The following ELMO2 variants were observed in gnomAD, a reference collection of about 807,000 sequenced individuals.
The protein encoded by ELMO2 is engulfment and cell motility 2, also known as engulfment and cell motility protein 2.
In ELMO2, 37 loss-of-function variants were observed where a neutral mutation model predicts 96.2. The ratio of observed to expected loss-of-function variants is 0.38; its 90% CI spans 0.30 to 0.51. The LOEUF (loss-of-function observed/expected upper bound fraction) is 0.51, where lower values mean the gene tolerates loss of function less well. Ranked by LOEUF, ELMO2 falls within the 20% of genes least tolerant of loss-of-function variation. The pLI, the probability that ELMO2 is intolerant of heterozygous loss-of-function variation, is 0.88. For missense variants in ELMO2, 561 were observed against 912.6 expected (o/e 0.61, Z 4.96); for synonymous variants, 315 against 329.4 (o/e 0.96, Z 0.47).
intron 2 of ELMO2, among the ~76,000 whole-genome samples, chr20:46,396,850 T>C (rs1209176484): frequency 6.6e-6 from 1 of 152,164 alleles, no homozygotes; most frequent in African/African-American, 2.4e-5. Context: ...GATGTGAGTG[T>C]AGAACTAAAG....
intron 10 of ELMO2, chr20:46,382,211 C>A (rs965508216): frequency 1.6e-6 from 2 of 1,289,688 alleles, no homozygotes; most frequent in African/African-American, 3.0e-5. Context: ...CTTACAGTGA[C>A]AGGCAGGTCT....
At position 46,374,546 on chromosome 20, in the gene ELMO2, G is replaced by A; in HGVS notation, c.1160C>T (p.Thr387Ile). The A allele has an allele frequency of 6.2e-7, 1 of 1,614,172 alleles. No individual in the cohort carries two copies. Residue 387 changes from threonine to isoleucine, a missense_variant, in exon 14 of 22, where the codon ACC becomes ATC. By Grantham distance (89) the Thr-to-Ile change is moderately conservative. Coordinates refer to ENST00000290246, the MANE Select transcript of ELMO2 (RefSeq NM_133171.5). ...MLYLAKVHQD[T>I]YIRIVLENSS... ...CTCCCCTGCCTTTACCCGGATGTAG[G>A]TGTCCTGGTGGACTTTAGCCAAGTA...
intron 1 of ELMO2, among the ~76,000 whole-genome samples, chr20:46,404,817 T>C (rs570939084): frequency 2.6e-5 from 4 of 152,346 alleles, no homozygotes; most frequent in African/African-American, 9.6e-5. Context: ...TTGTGTTAAA[T>C]ATATTACTAA....
chr20:46,381,111 C>CA (rs1230760688), intron 10 of ELMO2, among the ~76,000 whole-genome samples: 2 of 152,170 alleles, frequency 1.3e-5, no homozygotes, highest in Non-Finnish European at 2.9e-5. Flanking sequence ...TCGGCTTCAT[C>CA]AAAAAGAACA....
chr20:46,400,759 T>C (rs1486147705), intron 1 of ELMO2, among the ~76,000 whole-genome samples: 2 of 152,098 alleles, frequency 1.3e-5, no homozygotes, highest in Non-Finnish European at 2.9e-5. Flanking sequence ...TAGAGAAAAA[T>C]AGGAACATTA....
Position 46,394,470 on chromosome 20 carries a change from A to T in ELMO2, c.13T>A (p.Ser5Thr). 6.2e-7 allele frequency: 1 copy of T among 1,614,200 alleles called. No homozygotes were observed. Among genetic ancestry groups the T allele is most frequent in the African/African-American group, 1.3e-5 (1 of 75,056 alleles). Residue 5 changes from serine to threonine, a missense_variant, in exon 3 of 22, where the codon TCA becomes ACA. Transcript: ENST00000290246. MPPP[S>T]DIVKVAIEWP... ...TCAATGGCCACTTTGACAATGTCTG[A>T]CGGTGGTGGCATCGTTCCCAATGGG... is the stretch of plus-strand genomic sequence containing the variant.
intron 20 of ELMO2, 49 bp from the exon 21 acceptor site, chr20:46,369,017 G>T: frequency 6.4e-7 from 1 of 1,571,320 alleles, no homozygotes. Flanking sequence ...CCTGGGGTCT[G>T]CACATCAAGA....
chr20:46,400,235 T>C (rs936923122), intron 1 of ELMO2, among the ~76,000 whole-genome samples: 2 of 152,214 alleles, frequency 1.3e-5, no homozygotes, highest in Non-Finnish European at 2.9e-5. Context: ...CTAACTCTAG[T>C]TGAAAGAAAG....
In ELMO2 at chr20:46,387,409, T is replaced by G; in HGVS notation, c.454A>C (p.Thr152Pro). The G allele has an allele frequency of 6.2e-7, 1 of 1,613,954 alleles. No homozygotes were observed. Among genetic ancestry groups the G allele is most frequent in the African/African-American group, 1.3e-5 (1 of 74,988 alleles). Residue 152 changes from threonine to proline, a missense_variant, in exon 8 of 22, where the codon ACT becomes CCT. Thr to Pro is a conservative substitution (Grantham distance 38, BLOSUM62 -1). Coordinates refer to ENST00000290246, the MANE Select transcript of ELMO2 (RefSeq NM_133171.5). ...TGGTCCATGAGCTCTAGGAAGGCAGTCAGGGTGAATGCCAGCATCTCACTG... is the reference window on the plus strand; with the variant it reads ...TGGTCCATGAGCTCTAGGAAGGCAGGCAGGGTGAATGCCAGCATCTCACTG... ...HYSEMLAFTL[T>P]AFLELMDHGI...
At chr20:46,394,200 T>C (rs1472741497) in intron 3 of ELMO2, 111 bp from the exon 4 acceptor site, 15 of 1,181,636 alleles carry the variant, frequency 1.3e-5, no homozygotes, top group East Asian at 2.4e-5. Flanking sequence ...AATGAACTTC[T>C]TTCCTAACAG....
chr20:46,371,954 G>A lies in ELMO2; in HGVS notation c.1432C>T (p.Arg478Ter). 2 of 1,613,904 alleles carry A rather than the reference G, an allele frequency of 1.2e-6. No individual in the cohort carries two copies. The highest frequency in any genetic ancestry group is 1.7e-6 in the Non-Finnish European group (2 of 1,180,026). Residue 478 changes from arginine (R) to a stop codon, truncating the protein, a stop_gained, in exon 17 of 22, where the codon CGA becomes TGA. Coordinates refer to ENST00000290246, the MANE Select transcript of ELMO2 (RefSeq NM_133171.5). LOFTEE classifies it high-confidence loss of function. This position sits in a 1 kb window ranked among gnomAD's most constrained non-coding sequence, Gnocchi z 5.9. ...EDFNKVMQVV[R>*]EQITRALPSK... ...GGCAAAGCTCGAGTGATTTGCTCTC[G>A]GACGACTTGCATAACCTAAGAGGAG...
chr20:46,373,037 CTT>C (rs2059760225), intron 16 of ELMO2: 2 of 199,504 alleles, frequency 1.0e-5, no homozygotes. Context: ...CCAGTCCACT[CTT>C]CTCTCCTAAC....
chr20:46,368,355 G>A (rs1266581200), intron 21 of ELMO2, among the ~76,000 whole-genome samples: 5 of 151,952 alleles, frequency 3.3e-5, no homozygotes, highest in Non-Finnish European at 7.4e-5. Context: ...CAGGGCCCTT[G>A]TCAGAAGGAC....
intron 1 of ELMO2, among the ~76,000 whole-genome samples, chr20:46,405,469 C>G (rs972163000): frequency 1.3e-5 from 2 of 152,124 alleles, no homozygotes; most frequent in African/African-American, 4.8e-5. Context: ...AGCGGACGGA[C>G]GAGTAGACAG....
In ELMO2 at chr20:46,386,289, T is replaced by G. The variant is rs770004790; in HGVS notation, c.526-14A>C. On this transcript the variant is annotated splice_polypyrimidine_tract_variant and intron_variant, in intron 8 of 21. Transcript: ENST00000290246. ...ATACCCTGCAATCTAGACCCAGAGATGGCACATCAATTGAGAAGCTCAGGG... is the reference window on the plus strand; with the variant it reads ...ATACCCTGCAATCTAGACCCAGAGAGGGCACATCAATTGAGAAGCTCAGGG... 11 of 1,613,122 alleles carry G rather than the reference T, an allele frequency of 6.8e-6. No homozygotes were observed. The highest frequency in any genetic ancestry group is 7.6e-6 in the Non-Finnish European group (9 of 1,179,488).
At chr20:46,370,011 T>C (rs1231816698) in intron 20 of ELMO2, 1 of 351,072 alleles carries the variant, frequency 2.8e-6, no homozygotes, top group Non-Finnish European at 5.4e-6. Flanking sequence ...TGTGTATCCA[T>C]ATAAACATTT....
chr20:46,369,975 T>A (rs1182329563), intron 20 of ELMO2: 1 of 276,262 alleles, frequency 3.6e-6, no homozygotes, highest in Non-Finnish European at 6.9e-6. Flanking sequence ...TGTGTGTGTG[T>A]GTGTGTGTGT....
intron 21 of ELMO2, among the ~76,000 whole-genome samples, chr20:46,368,052 G>A (rs368278912): frequency 2.5e-4 from 38 of 152,230 alleles, no homozygotes; most frequent in African/African-American, 8.7e-4. Context: ...CATGCTAAGA[G>A]GGGGTGACCA....
chr20:46,374,684 T>C, intron 13 of ELMO2, 44 bp from the exon 14 acceptor site: 4 of 1,581,028 alleles, frequency 2.5e-6, no homozygotes, highest in African/African-American at 1.3e-5. Context: ...GCAGTCTCCG[T>C]GTATGCAGGG....
Sources: allele counts gnomAD v4.1 joint callset (sites outside exome capture counted in the v4.1 genomes callset), GRCh38; gene constraint gnomAD v4.1.1; non-coding constraint Gnocchi (gnomAD v3.1); transcripts MANE v1.5; gene names NCBI Gene and HGNC (gene_info 2026-07-23, HGNC 2026-07-21).